LRMDA: variants seen among roughly 807,000 people sequenced by gnomAD.
LRMDA encodes the protein leucine-rich melanocyte differentiation-associated protein.
Under a neutral mutation model 29.8 loss-of-function variants are expected in LRMDA, and 18 were observed. That is an observed-to-expected ratio of 0.60 (90% CI 0.42 to 0.90). The LOEUF (loss-of-function observed/expected upper bound fraction) is 0.90. Among genes scored for constraint, LRMDA ranks in the 40% least tolerant of loss-of-function variants. The pLI, the probability that LRMDA is intolerant of heterozygous loss-of-function variation, is 0.00. For missense variants in LRMDA, 273 were observed against 273.9 expected (o/e 1.00, Z 0.02); for synonymous variants, 125 against 109.4 (o/e 1.14, Z -0.89).
At chr10:75,488,944 T>A (rs186259204) in intron 2 of LRMDA, among the ~76,000 whole-genome samples, 31 of 152,268 alleles carry the variant, frequency 2.0e-4, no homozygotes, top group African/African-American at 7.2e-4. Flanking sequence ...CCAACTGAAA[T>A]TGGCAAACTG....
At chr10:75,951,922 G>T (rs2132420643) in intron 2 of LRMDA, among the ~76,000 whole-genome samples, 1 of 152,306 alleles carries the variant, frequency 6.6e-6, no homozygotes, top group South Asian at 2.1e-4. Flanking sequence ...ACTTTCTGGG[G>T]GACGGAGGCC....
chr10:75,870,272 C>A (rs909013682), intron 2 of LRMDA, among the ~76,000 whole-genome samples: 1 of 152,194 alleles, frequency 6.6e-6, no homozygotes, highest in African/African-American at 2.4e-5. Flanking sequence ...CCTGTGACTG[C>A]TTTGGCACTA....
At chr10:76,256,686 T>C (rs1328074639) in intron 5 of LRMDA, among the ~76,000 whole-genome samples, 1 of 152,214 alleles carries the variant, frequency 6.6e-6, no homozygotes, top group African/African-American at 2.4e-5. Flanking sequence ...TGCCAGGAGT[T>C]CTGTTGTATT....
intron 2 of LRMDA, among the ~76,000 whole-genome samples, chr10:75,443,612 T>C (rs908704312): frequency 6.6e-5 from 10 of 152,188 alleles, no homozygotes; most frequent in African/African-American, 2.4e-4. Context: ...GTTTGCTGAT[T>C]GTGTTGAGTA....
intron 5 of LRMDA, among the ~76,000 whole-genome samples, chr10:76,225,542 T>G (rs775317629): frequency 9.9e-5 from 15 of 152,054 alleles, no homozygotes; most frequent in Non-Finnish European, 1.9e-4. Context: ...TGCTCTATTA[T>G]AAGTTCCTGT....
intron 2 of LRMDA, among the ~76,000 whole-genome samples, chr10:75,795,342 G>A (rs905753758): frequency 2.6e-5 from 4 of 151,968 alleles, no homozygotes; most frequent in African/African-American, 7.3e-5. Flanking sequence ...GCAGTGAGCC[G>A]AGATTGCACC....
At chr10:76,491,266 A>G (rs1357317377) in intron 6 of LRMDA, among the ~76,000 whole-genome samples, 1 of 152,012 alleles carries the variant, frequency 6.6e-6, no homozygotes, top group African/African-American at 2.4e-5. Flanking sequence ...TAGTAAGACC[A>G]GTGAGTTTTA....
intron 2 of LRMDA, among the ~76,000 whole-genome samples, chr10:75,897,466 T>C (rs904481288): frequency 6.6e-6 from 1 of 152,230 alleles, no homozygotes; most frequent in African/African-American, 2.4e-5. Flanking sequence ...TAGCAATCAC[T>C]GAGTTGACAA....
At chr10:75,902,150 C>A (rs1845684816) in intron 2 of LRMDA, among the ~76,000 whole-genome samples, 1 of 152,170 alleles carries the variant, frequency 6.6e-6, no homozygotes, top group Non-Finnish European at 1.5e-5. Context: ...CATCCAAGGT[C>A]TACCCACCAA....
chr10:75,776,452 CCTT>C (rs1428209696), intron 2 of LRMDA, among the ~76,000 whole-genome samples: 1 of 152,152 alleles, frequency 6.6e-6, no homozygotes, highest in Non-Finnish European at 1.5e-5. Flanking sequence ...TGAAATGCAG[CCTT>C]CTTATTTTAC....
At chr10:75,570,572 TA>T (rs1840426389) in intron 2 of LRMDA, among the ~76,000 whole-genome samples, 2 of 152,218 alleles carry the variant, frequency 1.3e-5, no homozygotes, top group Admixed American at 6.5e-5. Flanking sequence ...TGGGAAACCA[TA>T]AACTCAGTGT....
rs767250042 is a variant in LRMDA at position 76,032,322 on chromosome 10, G to A, written c.132-3686G>A. Reference sequence around the variant, plus strand: ...CCCATGCCAGCCACTGGCCTGGCCTGGGCAGGGCTGCACGCCTGTTCGGCG... The same window carrying A: ...CCCATGCCAGCCACTGGCCTGGCCTAGGCAGGGCTGCACGCCTGTTCGGCG... On this transcript the variant is annotated intron_variant, in intron 2 of 6. Coordinates refer to ENST00000611255, the MANE Select transcript of LRMDA (RefSeq NM_001305581.2). Among the ~76,000 whole-genome samples the A allele has an allele frequency of 1.1e-3, 167 of 152,336 alleles. No homozygotes were observed. The Middle Eastern group carries it at 0.02, about 19-fold the overall frequency.
intron 6 of LRMDA, chr10:76,556,561 G>T (rs999685859): frequency 2.0e-5 from 3 of 152,148 alleles, no homozygotes; most frequent in Non-Finnish European, 4.4e-5. Flanking sequence ...CATCATGTTA[G>T]ACAAGATGGT....
chr10:75,471,377 G>T (rs572200826), intron 2 of LRMDA, among the ~76,000 whole-genome samples: 2 of 152,090 alleles, frequency 1.3e-5, no homozygotes, highest in East Asian at 3.9e-4. Context: ...TGTAGGAGTT[G>T]GGGGAGTTGA....
intron 2 of LRMDA, among the ~76,000 whole-genome samples, chr10:75,499,237 A>G (rs536138309): frequency 6.6e-6 from 1 of 152,300 alleles, no homozygotes; most frequent in Non-Finnish European, 1.5e-5. Flanking sequence ...CTAGCTTTCC[A>G]GTTATTTTCC....
At chr10:76,095,754 A>G (rs1301711394) in intron 5 of LRMDA, among the ~76,000 whole-genome samples, 4 of 152,076 alleles carry the variant, frequency 2.6e-5, no homozygotes, top group Admixed American at 6.5e-5. Flanking sequence ...CATAATTTGC[A>G]TTTTCTTAAT....
chr10:75,957,875 T>C (rs1363058329), intron 2 of LRMDA, among the ~76,000 whole-genome samples: 1 of 152,106 alleles, frequency 6.6e-6, no homozygotes, highest in East Asian at 1.9e-4. Flanking sequence ...TCGCAGTATA[T>C]GTAATAAATA....
intron 2 of LRMDA, among the ~76,000 whole-genome samples, chr10:75,653,836 C>T (rs1314664423): frequency 6.6e-6 from 1 of 152,192 alleles, no homozygotes; most frequent in African/African-American, 2.4e-5. Flanking sequence ...TTTCACAGGA[C>T]ATTGTTTTCA....
At chr10:75,461,219 C>T (rs1210575876) in intron 2 of LRMDA, among the ~76,000 whole-genome samples, 4 of 151,952 alleles carry the variant, frequency 2.6e-5, no homozygotes, top group African/African-American at 7.3e-5. Context: ...GGCTCATTGT[C>T]GAGAAGTGTG....
Sources: allele counts gnomAD v4.1 joint callset (sites outside exome capture counted in the v4.1 genomes callset), GRCh38; gene constraint gnomAD v4.1.1; transcripts MANE v1.5; gene names NCBI Gene and HGNC (gene_info 2026-07-23, HGNC 2026-07-21).